NTRK3: variants seen among roughly 807,000 people sequenced by gnomAD.
NTRK3 encodes the protein neurotrophic receptor tyrosine kinase 3, also known as NT-3 growth factor receptor.
Under a neutral mutation model 91.7 loss-of-function variants are expected in NTRK3, and 24 were observed. The observed-to-expected ratio is 0.26, with a 90% confidence interval of 0.19 to 0.37. NTRK3 has a LOEUF of 0.37. Ranked by LOEUF, NTRK3 falls within the 10% of genes least tolerant of loss-of-function variation. NTRK3 has a pLI of 1.00. For synonymous variants in NTRK3, 483 were observed against 404.0 expected (o/e 1.20, Z -2.34); for missense variants, 880 against 1,068.9 (o/e 0.82, Z 2.46).
At chr15:88,197,263 T>A in intron 3 of NTRK3, among the ~76,000 whole-genome samples, 1 of 152,266 alleles carries the variant, frequency 6.6e-6, no homozygotes, top group Non-Finnish European at 1.5e-5. Flanking sequence ...CATCAGTCCC[T>A]CCTTCCTGAT....
chr15:87,910,801 A>T (rs2067047726), intron 17 of NTRK3, among the ~76,000 whole-genome samples: 1 of 152,190 alleles, frequency 6.6e-6, no homozygotes, highest in South Asian at 2.1e-4. Flanking sequence ...CATCACTGGC[A>T]GTTGCAGGGG....
intron 3 of NTRK3, among the ~76,000 whole-genome samples, chr15:88,191,446 C>T (rs529240960): frequency 4.6e-5 from 7 of 152,232 alleles, no homozygotes; most frequent in African/African-American, 7.2e-5. Flanking sequence ...CCTAGGCCTC[C>T]GGATGTTTTT....
exon 19 of NTRK3, chr15:87,860,132 T>G (rs2141366029): frequency 4.6e-6 from 1 of 218,792 alleles, no homozygotes; most frequent in African/African-American, 2.2e-5. Context: ...GTGTTAAATC[T>G]CTGCCCCCAC....
intron 17 of NTRK3, chr15:87,925,562 G>A (rs1190133483): frequency 4.7e-6 from 1 of 212,346 alleles, no homozygotes; most frequent in Non-Finnish European, 9.6e-6. Context: ...TAGCAGAGAG[G>A]TACAAACCTG....
At chr15:88,069,138 C>G (rs1415379761) in intron 13 of NTRK3, among the ~76,000 whole-genome samples, 1 of 152,182 alleles carries the variant, frequency 6.6e-6, no homozygotes, top group South Asian at 2.1e-4. Flanking sequence ...TTCAGTCCCA[C>G]TCTCAAGTCC....
Position 88,033,066 on chromosome 15 carries a change from G to A in NTRK3, c.1397-21C>T, listed in dbSNP as rs375853758. On this transcript the variant is annotated intron_variant, in intron 13 of 18. Transcript: ENST00000394480. Reference sequence around the variant, plus strand: ...GGGACCTGCACACACCAAGAGAGACGCAGGACCTGGTGACGTCACATCCGG... The same window carrying A: ...GGGACCTGCACACACCAAGAGAGACACAGGACCTGGTGACGTCACATCCGG... The A allele has an allele frequency of 3.7e-5, 58 of 1,556,722 alleles. No homozygotes were observed. In the South Asian group the frequency reaches 3.9e-4, roughly 10 times the overall value.
rs1019664063 is a variant in NTRK3, at chr15:88,103,628, G to A, written c.1396+22643C>T. 3.9e-5 allele frequency among the ~76,000 whole-genome samples: 6 copies of A among 152,022 alleles called. No homozygotes were observed. In the South Asian group the frequency reaches 6.2e-4, roughly 16 times the overall value. The stretch of plus-strand genomic sequence containing the variant: ...CTTTGGATCAAAATCCCATCTACCC[G>A]TGGTAGTCATCCACTCTCAGTAAGA... On this transcript the variant is annotated intron_variant, in intron 13 of 18. Coordinates refer to ENST00000394480, the Ensembl canonical transcript of NTRK3.
chr15:88,134,880 T>G (rs1208756154), intron 10 of NTRK3, among the ~76,000 whole-genome samples: 1 of 152,246 alleles, frequency 6.6e-6, no homozygotes, highest in Non-Finnish European at 1.5e-5. Context: ...AACTGTTATT[T>G]CTAAGAAGTC....
chr15:88,043,529 G>C (rs1442350537), intron 13 of NTRK3, among the ~76,000 whole-genome samples: 1 of 152,162 alleles, frequency 6.6e-6, no homozygotes, highest in African/African-American at 2.4e-5. Context: ...CTGCCATGTT[G>C]AACTGCTACA....
chr15:88,027,132 G>A lies in NTRK3; in HGVS notation c.1585+5725C>T, dbSNP rs1245262544. Among the ~76,000 whole-genome samples the A allele has an allele frequency of 5.9e-5, 9 of 152,180 alleles. No homozygotes were observed. In the South Asian group the frequency reaches 1.9e-3, roughly 32 times the overall value. Reference sequence around the variant, plus strand: ...GAAGTCTAGGCAACGAGATTTGATAGGGGAGGGATGGATGCTGGAGGTAGC... The same window carrying A: ...GAAGTCTAGGCAACGAGATTTGATAAGGGAGGGATGGATGCTGGAGGTAGC... On this transcript the variant is annotated intron_variant, in intron 14 of 18. Coordinates refer to ENST00000394480, the Ensembl canonical transcript of NTRK3.
intron 14 of NTRK3, among the ~76,000 whole-genome samples, chr15:88,015,002 G>A (rs1596706198): frequency 6.6e-6 from 1 of 152,178 alleles, no homozygotes; most frequent in East Asian, 1.9e-4. Context: ...GAGCCTGCTG[G>A]CAGCAACTGC....
intron 17 of NTRK3, among the ~76,000 whole-genome samples, chr15:87,897,589 C>G (rs1299570105): frequency 9.9e-5 from 15 of 152,104 alleles, no homozygotes; most frequent in African/African-American, 3.4e-4. Context: ...AAGGGATCCA[C>G]TCAGCCCCCA....
intron 5 of NTRK3, among the ~76,000 whole-genome samples, chr15:88,149,178 A>G (rs2043153476): frequency 6.6e-6 from 1 of 152,104 alleles, no homozygotes; most frequent in South Asian, 2.1e-4. Flanking sequence ...TACAAGAACA[A>G]CCAAAGGGAC....
At chr15:88,126,130 C>A in intron 13 of NTRK3, 141 bp downstream of exon 13, 1 of 669,012 alleles carries the variant, frequency 1.5e-6, no homozygotes, top group South Asian at 1.6e-5. Context: ...AAGCGGCAAA[C>A]AGGAGTTTCC....
At chr15:87,924,032 C>A (rs2068090860) in intron 17 of NTRK3, among the ~76,000 whole-genome samples, 1 of 152,092 alleles carries the variant, frequency 6.6e-6, no homozygotes, top group African/African-American at 2.4e-5. Flanking sequence ...TCTGTTGTAG[C>A]AACACAGAAC....
rs1028858930 is a variant in NTRK3, at chr15:87,932,195, C to T, written c.1889+817G>A. Among the ~76,000 whole-genome samples, 91 of 152,178 alleles carry T rather than the reference C, an allele frequency of 6.0e-4. 1 individual carries two copies. Among genetic ancestry groups the T allele is most frequent in the Non-Finnish European group, 8.8e-5 (6 of 68,040 alleles). On this transcript the variant is annotated intron_variant, in intron 16 of 18. Transcript: ENST00000394480. Reference sequence around the variant, plus strand: ...GTCTCTTACCAGTTACATTAAGAGCCCTCGAAGTCCAGATGGTCTTGTTCT... The same window carrying T: ...GTCTCTTACCAGTTACATTAAGAGCTCTCGAAGTCCAGATGGTCTTGTTCT...
Position 88,189,141 on chromosome 15 carries a change from G to A in NTRK3, c.249-4842C>T, listed in dbSNP as rs556105955. Among the ~76,000 whole-genome samples the A allele has an allele frequency of 7.5e-4, 114 of 152,256 alleles. 1 individual carries two copies. Among genetic ancestry groups the A allele is most frequent in the Non-Finnish European group, 1.6e-3 (106 of 68,002 alleles). On this transcript the variant is annotated intron_variant, in intron 3 of 18. Coordinates refer to ENST00000394480, the Ensembl canonical transcript of NTRK3. ...TCAGTGATGTCAAGGTAGACCCCTG[G>A]GATCAAGATCTCATGATGCTGCCAG...
chr15:87,965,864 G>C (rs2072745177), intron 14 of NTRK3, among the ~76,000 whole-genome samples: 1 of 152,130 alleles, frequency 6.6e-6, no homozygotes, highest in Non-Finnish European at 1.5e-5. Context: ...GATCACTTGA[G>C]ATCAGGAGTT....
At chr15:88,140,243 T>C (rs1431685109) in intron 6 of NTRK3, among the ~76,000 whole-genome samples, 1 of 152,140 alleles carries the variant, frequency 6.6e-6, no homozygotes, top group African/African-American at 2.4e-5. Context: ...GGAGGAAAAC[T>C]AGAGATTGAG....
Sources: gnomAD v4.1 joint callset for allele counts (sites outside exome capture counted in the v4.1 genomes callset) on GRCh38, gnomAD v4.1.1 for gene constraint, MANE v1.5 for transcripts, NCBI Gene and HGNC (gene_info 2026-07-23, HGNC 2026-07-21) for gene names.